Variants in PCNX4 observed in about 807,000 individuals in gnomAD.
The protein encoded by PCNX4 is pecanex 4, also known as pecanex-like protein 4.
PCNX4 carries 103 observed loss-of-function variants against 107.2 expected under a neutral mutation model. That is an observed-to-expected ratio of 0.96 (90% CI 0.82 to 1.13). The LOEUF is 1.13. PCNX4 is among the 50% of genes most tolerant of loss of function. The probability of loss-of-function intolerance (pLI) is 0.00; values close to 1 mark genes in which losing one functional copy is unlikely to be tolerated. For missense variants in PCNX4, 1,528 were observed against 1,379.4 expected, an observed-to-expected ratio of 1.11 and a Z score of -1.71; for synonymous variants, 541 against 481.7, an observed-to-expected ratio of 1.12 and a Z score of -1.61.
intron 1 of PCNX4, among the ~76,000 whole-genome samples, chr14:60,093,908 A>G (rs1895365819): frequency 6.6e-6 from 1 of 152,180 alleles, no homozygotes; most frequent in African/African-American, 2.4e-5. Context: ...ATGGTACCTC[A>G]TTATGGTTTC....
rs1233373486 is a variant in PCNX4, at chr14:60,124,387, C to G, written c.2216C>G (p.Ala739Gly). The change falls in exon 9 of 11, where the codon GCC becomes GGC. Residue 739 changes from alanine to glycine, a missense_variant. Physicochemically the swap from Ala to Gly is moderately conservative, Grantham distance 60. Coordinates refer to ENST00000406854, the MANE Select transcript of PCNX4 (RefSeq NM_001330177.2). ...TTGCCTGTGAAATTGTATTCTGATG[C>G]CAGGAATGTTCTATCAGGCATAATT... ...TVLPVKLYSDARNVLSGIIDS... is the reference protein window; with the variant it reads ...TVLPVKLYSDGRNVLSGIIDS... 1 of 1,613,356 alleles carries G rather than the reference C, an allele frequency of 6.2e-7. No individual in the cohort carries two copies. Among genetic ancestry groups the G allele is most frequent in the Admixed American group, 1.7e-5 (1 of 59,870 alleles).
chr14:60,114,629 G>T, intron 2 of PCNX4, 71 bp from the exon 3 acceptor site: 6 of 1,276,094 alleles, frequency 4.7e-6, no homozygotes, highest in South Asian at 1.5e-5. Flanking sequence ...ATTCTGTGTT[G>T]CTTTGCTTTT....
Position 60,125,129 on chromosome 14 carries a change from C to T in PCNX4, c.2958C>T (p.Asp986=), listed in dbSNP as rs1250580231. 2 of 1,612,750 alleles carry T rather than the reference C, an allele frequency of 1.2e-6. No homozygotes were observed. Reference sequence around the variant, plus strand: ...GTTATTTTAGTTTATTTGGAATAGACAATATGGCTCCTAGTCCTGGTCATA... The same window carrying T: ...GTTATTTTAGTTTATTTGGAATAGATAATATGGCTCCTAGTCCTGGTCATA... ...MTCYFSLFGI[D]NMAPSPGHIL... The change falls in exon 9 of 11, where the codon GAC becomes GAT. Residue 986 remains aspartate (D), a synonymous_variant. Coordinates refer to ENST00000406854, the MANE Select transcript of PCNX4 (RefSeq NM_001330177.2).
chr14:60,132,979 T>C (rs901562657), intron 10 of PCNX4, among the ~76,000 whole-genome samples: 5 of 152,174 alleles, frequency 3.3e-5, no homozygotes, highest in African/African-American at 7.2e-5. Context: ...ATTGGAACCC[T>C]CTTCTGCTCT....
chr14:60,135,209 T>C lies in PCNX4; in HGVS notation c.*988T>C, dbSNP rs1441525276. On this transcript the variant is annotated 3_prime_UTR_variant, in exon 11 of 11. Coordinates refer to ENST00000406854, the MANE Select transcript of PCNX4 (RefSeq NM_001330177.2). The stretch of plus-strand genomic sequence containing the variant: ...GAAATCAGTAGGAGCCCCCTAGATT[T>C]ATAATAATGTATTCTCCTTAGAAAT... The C allele has an allele frequency of 6.6e-6, 1 of 152,242 alleles. No homozygotes were observed. The highest frequency in any genetic ancestry group is 1.5e-5 in the Non-Finnish European group (1 of 68,034). The allele number at this position is 152,242 out of a possible 1,614,324, so 9.4% of individuals were successfully genotyped here.
At chr14:60,100,649 A>G (rs1222285595) in intron 1 of PCNX4, among the ~76,000 whole-genome samples, 2 of 152,156 alleles carry the variant, frequency 1.3e-5, no homozygotes, top group Non-Finnish European at 2.9e-5. Context: ...GATTTTGAGG[A>G]CTCAGCTCTG....
At chr14:60,095,102 G>A (rs1196368490) in intron 1 of PCNX4, among the ~76,000 whole-genome samples, 1 of 152,080 alleles carries the variant, frequency 6.6e-6, no homozygotes, top group Non-Finnish European at 1.5e-5. Flanking sequence ...GTGCCCGGGA[G>A]GCAAGTCTAT....
Position 60,121,181 on chromosome 14 carries a change from T to TA in PCNX4, c.1943-15_1943-14insA. 5 of 1,523,414 alleles carry TA rather than the reference T, an allele frequency of 3.3e-6. No individual in the cohort carries two copies. Among genetic ancestry groups the TA allele is most frequent in the South Asian group, 1.3e-5 (1 of 79,412 alleles). The allele number at this position is 1,523,414 out of a possible 1,614,324, so 94.4% of individuals were successfully genotyped here. On this transcript the variant is annotated splice_polypyrimidine_tract_variant and intron_variant, in intron 7 of 10. Transcript: ENST00000406854. Reference sequence around the variant, plus strand: ...ATTTTCTTTTTTTTTTTTTTTTTTTTCTAATTTGTTGTAGGTCTCCTCCTA... The same window carrying TA: ...ATTTTCTTTTTTTTTTTTTTTTTTTTACTAATTTGTTGTAGGTCTCCTCCTA...
rs1177870415 is a variant in PCNX4 at position 60,140,112 on chromosome 14, ATAAT to A, written c.*5893_*5896del. Reference sequence around the variant, plus strand: ...AGCCAAAAGTTGATTCTTTGAAAAGATAATTGATAAGTGTCTGGTAGACTGAAAA... The same window carrying A: ...AGCCAAAAGTTGATTCTTTGAAAAGATGATAAGTGTCTGGTAGACTGAAAA... On this transcript the variant is annotated 3_prime_UTR_variant, in exon 11 of 11. Coordinates refer to ENST00000406854, the MANE Select transcript of PCNX4 (RefSeq NM_001330177.2). The surrounding 1 kb of genome is among the most constrained non-coding windows in gnomAD (Gnocchi z 4.2). The A allele has an allele frequency of 6.6e-6, 1 of 152,162 alleles. No homozygotes were observed. The highest frequency in any genetic ancestry group is 1.5e-5 in the Non-Finnish European group (1 of 68,014). 9.4% of individuals were successfully genotyped at this position (152,162 alleles called of 1,614,324 possible).
At chr14:60,093,751 T>C (rs1252627824) in intron 1 of PCNX4, among the ~76,000 whole-genome samples, 1 of 152,218 alleles carries the variant, frequency 6.6e-6, no homozygotes, top group Non-Finnish European at 1.5e-5. Context: ...TGTTTAGCCT[T>C]TTGAGGAACT....
At chr14:60,097,908 G>C (rs1272204173) in intron 1 of PCNX4, among the ~76,000 whole-genome samples, 1 of 152,186 alleles carries the variant, frequency 6.6e-6, no homozygotes, top group Non-Finnish European at 1.5e-5. Flanking sequence ...CTGTCCCCTT[G>C]TCAGCAGGAA....
rs143025166 is a variant in PCNX4 at position 60,125,019 on chromosome 14, T to G, written c.2848T>G (p.Ser950Ala). ...TCTAAGGCAGTTGGAATGTTATCAT[T>G]CAGAAGAGAAGGCCTCAAATGTACT... ...FVLRQLECYH[S>A]EEKASNVLEE... The change falls in exon 9 of 11, where the codon TCA (serine) becomes GCA (alanine). Residue 950 changes from serine to alanine, a missense_variant. Transcript: ENST00000406854. The G allele has an allele frequency of 5.6e-6, 9 of 1,613,664 alleles. No individual in the cohort carries two copies. In the African/African-American group the frequency reaches 8.0e-5, roughly 14 times the overall value.
rs778669055 is a variant in PCNX4 at position 60,118,581 on chromosome 14, C to T, written c.1831C>T (p.Pro611Ser). 6.2e-7 allele frequency: 1 copy of T among 1,613,764 alleles called. No homozygotes were observed. The highest frequency in any genetic ancestry group is 8.5e-7 in the Non-Finnish European group (1 of 1,179,818). The change falls in exon 7 of 11, where the codon CCA becomes TCA. Residue 611 changes from proline (P) to serine (S), a missense_variant. Transcript: ENST00000406854. ...VGFPRPIQSW[P>S]GAAGTTACVC... ...GTTTCCCCGACCTATTCAGAGTTGG[C>T]CAGGAGCAGCAGGCACCACAGCCTG...
intron 1 of PCNX4, among the ~76,000 whole-genome samples, chr14:60,106,860 CTG>C (rs1167284947): frequency 2.0e-5 from 3 of 152,090 alleles, no homozygotes; most frequent in Admixed American, 6.6e-5. Flanking sequence ...TGTAGGGTAA[CTG>C]TTTTTCAGAA....
chr14:60,098,103 C>G (rs902994947), intron 1 of PCNX4, among the ~76,000 whole-genome samples: 2 of 152,136 alleles, frequency 1.3e-5, no homozygotes, highest in African/African-American at 2.4e-5. Flanking sequence ...ACATAAATCA[C>G]ACAACATCTC....
chr14:60,121,450 A>G (rs991275341), intron 8 of PCNX4, among the ~76,000 whole-genome samples, 151 bp downstream of exon 8: 13 of 152,136 alleles, frequency 8.5e-5, no homozygotes, highest in African/African-American at 2.7e-4. Flanking sequence ...ATATTTCAAT[A>G]AGCACATGTT....
Position 60,147,030 on chromosome 14 carries a change from TGA to T in PCNX4, c.*12812_*12813del, listed in dbSNP as rs1390843191. ...GGTGGATCGCCTGAGCCCAGGAGTT[TGA>T]GACTAGCCTGGGCAACGTGGCAAAA... On this transcript the variant is annotated 3_prime_UTR_variant, in exon 11 of 11. Coordinates refer to ENST00000406854, the MANE Select transcript of PCNX4 (RefSeq NM_001330177.2). 4 of 152,142 alleles carry T rather than the reference TGA, an allele frequency of 2.6e-5. No homozygotes were observed. Among genetic ancestry groups the T allele is most frequent in the Non-Finnish European group, 5.9e-5 (4 of 68,124 alleles). The allele number at this position is 152,142 out of a possible 1,614,324, so 9.4% of individuals were successfully genotyped here.
chr14:60,100,597 C>T (rs1397198611), intron 1 of PCNX4, among the ~76,000 whole-genome samples: 4 of 152,196 alleles, frequency 2.6e-5, no homozygotes, highest in Non-Finnish European at 5.9e-5. Context: ...CCGTGCCCTC[C>T]GTAATTAATA....
intron 8 of PCNX4, among the ~76,000 whole-genome samples, 188 bp downstream of exon 8, chr14:60,121,487 A>G (rs1404757335): frequency 6.6e-6 from 1 of 152,158 alleles, no homozygotes; most frequent in African/African-American, 2.4e-5. Flanking sequence ...TTAATTGTAT[A>G]ATAGAGCATG....
Sources: allele counts gnomAD v4.1 joint callset (sites outside exome capture counted in the v4.1 genomes callset), GRCh38; gene constraint gnomAD v4.1.1; non-coding constraint Gnocchi (gnomAD v3.1); transcripts MANE v1.5; gene names NCBI Gene and HGNC (gene_info 2026-07-23, HGNC 2026-07-21).